The following ETV4 variants were observed in gnomAD, a reference collection of about 807,000 sequenced individuals.
The protein encoded by ETV4 is ETS variant transcription factor 4.
ETV4 carries 42 observed loss-of-function variants against 65.9 expected under a neutral mutation model. The observed-to-expected ratio is 0.64, with a 90% CI of 0.50 to 0.82. The LOEUF (loss-of-function observed/expected upper bound fraction) is 0.82, where lower values mean the gene tolerates loss of function less well. Among genes scored for constraint, ETV4 ranks in the 40% least tolerant of loss-of-function variants. ETV4 has a pLI of 0.00. For synonymous variants in ETV4, 238 were observed against 260.0 expected, an observed-to-expected ratio of 0.92 and a Z score of 0.81; for missense variants, 583 against 630.3, an observed-to-expected ratio of 0.92 and a Z score of 0.80.
intron 5 of ETV4, among the ~76,000 whole-genome samples, chr17:43,534,989 A>G (rs1971160102): frequency 6.6e-6 from 1 of 152,190 alleles, no homozygotes; most frequent in Non-Finnish European, 1.5e-5. Flanking sequence ...GAGGTTGGAT[A>G]TTGGCCCACT....
chr17:43,544,371 C>T (rs1183324505), intron 4 of ETV4: 1 of 152,864 alleles, frequency 6.5e-6, no homozygotes, highest in East Asian at 1.9e-4. Flanking sequence ...GAGGGAGGAA[C>T]ACTTGCTATT....
At chr17:43,530,515 C>CG (rs1223132000) in intron 8 of ETV4, 8 of 1,074,280 alleles carry the variant, frequency 7.4e-6, no homozygotes, top group Non-Finnish European at 2.4e-6. Context: ...GATGAACGTC[C>CG]GGGGAAAGAG....
chr17:43,534,477 G>C (rs1056277605), intron 5 of ETV4, among the ~76,000 whole-genome samples: 3 of 151,046 alleles, frequency 2.0e-5, no homozygotes, highest in Admixed American at 2.0e-4. Flanking sequence ...CTGGGTGACA[G>C]AGCGAGACTC....
Position 43,529,182 on chromosome 17 carries a change from G to A in ETV4, c.1183C>T (p.Leu395=), listed in dbSNP as rs891897498. ...KNRPAMNYDK[L]SRSLRYYYEK... ...TAATAGTATCGGAGCGAGCGGCTCA[G>A]CTTGTCGTAATTCATGGCTGGCCGG... is the stretch of plus-strand genomic sequence containing the variant. Residue 395 remains leucine, a synonymous_variant, in exon 12 of 13, where the codon CTG becomes TTG. Transcript: ENST00000319349. 6.2e-7 allele frequency: 1 copy of A among 1,613,890 alleles called. No individual in the cohort carries two copies. Among genetic ancestry groups the A allele is most frequent in the Non-Finnish European group, 8.5e-7 (1 of 1,180,020 alleles).
rs1171430814 is a variant in ETV4 at position 43,528,062 on chromosome 17, CGGG to C, written c.*454_*456del. On this transcript the variant is annotated 3_prime_UTR_variant, in exon 13 of 13. Transcript: ENST00000319349. ...CACAGAGCACCAAGAACTGACAAACCGGGACCCTCCAGGGCCACAGCGTGGGGC... is the reference window on the plus strand; with the variant it reads ...CACAGAGCACCAAGAACTGACAAACCACCCTCCAGGGCCACAGCGTGGGGC... 2 of 234,968 alleles carry C rather than the reference CGGG, an allele frequency of 8.5e-6. No homozygotes were observed. Among genetic ancestry groups the C allele is most frequent in the African/African-American group, 4.4e-5 (2 of 45,348 alleles). The allele number at this position is 234,968 out of a possible 1,614,324, so 14.6% of individuals were successfully genotyped here.
intron 4 of ETV4, among the ~76,000 whole-genome samples, chr17:43,541,037 G>A (rs193117510): frequency 6.4e-4 from 97 of 152,126 alleles, no homozygotes; most frequent in Non-Finnish European, 9.6e-4. Context: ...TTCCTGCCTC[G>A]GGCCTGACAG....
In ETV4 at chr17:43,530,452, A is replaced by G. The variant is rs1970854606; in HGVS notation, c.812-271T>C. On this transcript the variant is annotated intron_variant, in intron 8 of 12. Coordinates refer to ENST00000319349, the MANE Select transcript of ETV4 (RefSeq NM_001079675.5). ...TGGGCAAGCTGTTCTGAAGGGCCCA[A>G]GCTGCCAGGGAGCAGCTGTTTCCTG... is the stretch of plus-strand genomic sequence containing the variant. 4 of 1,357,038 alleles carry G rather than the reference A, an allele frequency of 2.9e-6. No individual in the cohort carries two copies. In the South Asian group the frequency reaches 4.9e-5, roughly 17 times the overall value. 84.1% of individuals were successfully genotyped at this position (1,357,038 alleles called of 1,614,324 possible). A position where few individuals can be genotyped will look rare whatever the true frequency, so the allele number is the denominator to read the frequency against.
At chr17:43,544,865 G>T in intron 4 of ETV4, 110 bp downstream of exon 4, 1 of 1,050,810 alleles carries the variant, frequency 9.5e-7, no homozygotes, top group Non-Finnish European at 1.5e-6. Flanking sequence ...AGAACTCCTT[G>T]AGGCAGGGAA....
intron 5 of ETV4, among the ~76,000 whole-genome samples, chr17:43,535,299 A>G (rs1305660558): frequency 6.6e-6 from 1 of 151,770 alleles, no homozygotes; most frequent in Non-Finnish European, 1.5e-5. Context: ...TTTTTTTGAG[A>G]TGGAGCCTCG....
At chr17:43,543,824 A>C (rs923392353) in intron 4 of ETV4, 1 of 152,200 alleles carries the variant, frequency 6.6e-6, no homozygotes, top group Non-Finnish European at 1.5e-5. Context: ...CTCTATGCTA[A>C]ATAGTCATTC....
chr17:43,532,263 G>A (rs1970981370), intron 8 of ETV4, among the ~76,000 whole-genome samples: 1 of 152,188 alleles, frequency 6.6e-6, no homozygotes, highest in Non-Finnish European at 1.5e-5. Context: ...ACTTTGGGAG[G>A]CCGAGGCGAT....
chr17:43,532,514 G>T (rs1970996465), intron 8 of ETV4, among the ~76,000 whole-genome samples, 160 bp downstream of exon 8: 1 of 151,818 alleles, frequency 6.6e-6, no homozygotes, highest in South Asian at 2.1e-4. Context: ...AAAAGAAAAA[G>T]AAAGAAAAAT....
Position 43,528,745 on chromosome 17 carries a change from T to C in ETV4, c.1231-2A>G, listed in dbSNP as rs142908597. The C allele has an allele frequency of 6.2e-7, 1 of 1,613,356 alleles. No homozygotes were observed. The highest frequency in any genetic ancestry group is 8.5e-7 in the Non-Finnish European group (1 of 1,179,386). On this transcript the variant is annotated splice_acceptor_variant, in intron 12 of 12. Coordinates refer to ENST00000319349, the MANE Select transcript of ETV4 (RefSeq NM_001079675.5). LOFTEE classifies it high-confidence loss of function. ...GTACACGTAACGCTCACCAGCCACC[T>C]ATGGGGAGAGAGAAGGTCTGGTCAG... is the stretch of plus-strand genomic sequence containing the variant.
intron 4 of ETV4, among the ~76,000 whole-genome samples, chr17:43,538,608 G>A (rs775984468): frequency 6.6e-6 from 1 of 152,224 alleles, no homozygotes; most frequent in South Asian, 2.1e-4. Flanking sequence ...GGCCTCCCCA[G>A]AGCGGGGCTT....
intron 4 of ETV4, among the ~76,000 whole-genome samples, chr17:43,538,145 A>T (rs1971342869): frequency 2.6e-5 from 4 of 151,090 alleles, no homozygotes; most frequent in African/African-American, 9.8e-5. Context: ...CATTTCAAAA[A>T]AAAAAAAAAA....
At chr17:43,530,495 G>C in intron 8 of ETV4, 2 of 1,233,396 alleles carry the variant, frequency 1.6e-6, no homozygotes, top group South Asian at 3.5e-5. Context: ...AGGGGGAGGA[G>C]GGAGGGTGAG....
Position 43,528,207 on chromosome 17 carries a change from ACT to A in ETV4, c.*310_*311del. On this transcript the variant is annotated 3_prime_UTR_variant, in exon 13 of 13. Transcript: ENST00000319349. ...TTCTCTGTCCCCCAGAACAGAACAA[ACT>A]CTTGTTCTCTGTGGTTGGGGAAAAG... 1 of 305,600 alleles carries A rather than the reference ACT, an allele frequency of 3.3e-6. No individual in the cohort carries two copies. Among genetic ancestry groups the A allele is most frequent in the Non-Finnish European group, 6.0e-6 (1 of 165,642 alleles). 18.9% of individuals were successfully genotyped at this position (305,600 alleles called of 1,614,324 possible).
intron 5 of ETV4, among the ~76,000 whole-genome samples, chr17:43,534,348 G>T (rs1284855922): frequency 6.6e-6 from 1 of 151,944 alleles, no homozygotes; most frequent in Middle Eastern, 3.4e-3. Flanking sequence ...AAAAAAATTA[G>T]CCGGGGATGG....
intron 11 of ETV4, 28 bp downstream of exon 11, chr17:43,529,476 G>A: frequency 2.5e-6 from 4 of 1,582,280 alleles, no homozygotes; most frequent in Non-Finnish European, 3.4e-6. Flanking sequence ...CTTTGGAAAG[G>A]AGGGCTGGGA....
Sources: allele counts gnomAD v4.1 joint callset (sites outside exome capture counted in the v4.1 genomes callset), GRCh38; gene constraint gnomAD v4.1.1; transcripts MANE v1.5; gene names NCBI Gene and HGNC (gene_info 2026-07-23, HGNC 2026-07-21).